TEX9: variants seen among roughly 807,000 people sequenced by gnomAD.
TEX9 encodes testis expressed 9.
Under a neutral mutation model 59.6 loss-of-function variants are expected in TEX9, and 74 were observed. That is an observed-to-expected ratio of 1.24 (90% CI 1.03 to 1.51). TEX9 has a LOEUF of 1.51. Among genes scored for constraint, TEX9 ranks in the 40% most tolerant of loss-of-function variants. The pLI is 0.00. For missense variants in TEX9, 522 were observed against 447.8 expected, an observed-to-expected ratio of 1.17 and a Z score of -1.49; for synonymous variants, 186 against 152.2, an observed-to-expected ratio of 1.22 and a Z score of -1.64.
At chr15:56,452,555 G>A in the TEX9 span, among the ~76,000 whole-genome samples, 1 of 141,896 alleles carries the variant, frequency 7.0e-6, no homozygotes, top group Non-Finnish European at 1.5e-5. Context: ...GTCTCTCTCT[G>A]TCGCCCAGGC....
intron 1 of TEX9, among the ~76,000 whole-genome samples, chr15:56,348,109 C>A (rs1210145300): frequency 6.6e-6 from 1 of 152,076 alleles, no homozygotes; most frequent in Non-Finnish European, 1.5e-5. Flanking sequence ...TATAATTTTA[C>A]AAGATACCAC....
chr15:56,391,274 GC>G lies in TEX9; in HGVS notation c.429del (p.Asp144ThrfsTer34). 6.3e-7 allele frequency: 1 copy of G among 1,580,716 alleles called. No homozygotes were observed. Among genetic ancestry groups the G allele is most frequent in the Non-Finnish European group, 8.6e-7 (1 of 1,167,800 alleles). On this transcript the variant is annotated frameshift_variant, in exon 7 of 13. Transcript: ENST00000352903. LOFTEE classifies it high-confidence loss of function. ...ATTGAAATACTCTGATGTCCAAACT[GC>G]CGACGATGTTGCCATTCCAGAGGAT...
chr15:56,417,548 A>C (rs2049755612), intron 10 of TEX9, among the ~76,000 whole-genome samples: 1 of 147,380 alleles, frequency 6.8e-6, no homozygotes, highest in Non-Finnish European at 1.5e-5. Context: ...GCTGTGGTCC[A>C]AGAGTGTGTT....
intron 1 of TEX9, among the ~76,000 whole-genome samples, chr15:56,247,780 C>T (rs2043896573): frequency 6.6e-6 from 1 of 152,136 alleles, no homozygotes. Context: ...TGGTGGTTTA[C>T]CAGATATGGA....
chr15:56,398,804 A>G lies in TEX9; in HGVS notation c.828+3970A>G, dbSNP rs796623729. On this transcript the variant is annotated intron_variant, in intron 9 of 12. Transcript: ENST00000352903. Reference sequence around the variant, plus strand: ...CCCTTTGTATGGGGATAATTTTTTGAGTGCCATATGCCAGACAAAATGCAT... The same window carrying G: ...CCCTTTGTATGGGGATAATTTTTTGGGTGCCATATGCCAGACAAAATGCAT... 1.4e-4 allele frequency among the ~76,000 whole-genome samples: 22 copies of G among 151,980 alleles called. 1 individual carries two copies. The highest frequency in any genetic ancestry group is 1.2e-3 in the South Asian group (6 of 4,820).
At chr15:56,339,403 A>AAAAAAC in intron 1 of TEX9, among the ~76,000 whole-genome samples, 2 of 145,192 alleles carry the variant, frequency 1.4e-5, no homozygotes, top group Middle Eastern at 3.4e-3. Flanking sequence ...AAAAAAAAAA[A>AAAAAAC]AAAAAAAAAA....
At chr15:56,277,925 A>T (rs1451886235) in intron 1 of TEX9, among the ~76,000 whole-genome samples, 1 of 152,138 alleles carries the variant, frequency 6.6e-6, no homozygotes, top group Non-Finnish European at 1.5e-5. Context: ...ACTGAGGAAG[A>T]AATTCTCCCT....
chr15:56,315,947 T>C (rs2045746776), intron 1 of TEX9, among the ~76,000 whole-genome samples: 1 of 151,704 alleles, frequency 6.6e-6, no homozygotes. Flanking sequence ...TCGCGTCGGC[T>C]CCTGAGGCTT....
intron 2 of TEX9, among the ~76,000 whole-genome samples, chr15:56,366,403 A>C (rs1390933423): frequency 6.6e-6 from 1 of 152,068 alleles, no homozygotes; most frequent in Admixed American, 6.5e-5. Flanking sequence ...TAGTTCCAAA[A>C]ACTCTTCCAG....
At chr15:56,338,944 C>T (rs1413861856) in intron 1 of TEX9, among the ~76,000 whole-genome samples, 2 of 151,922 alleles carry the variant, frequency 1.3e-5, no homozygotes, top group Non-Finnish European at 2.9e-5. Flanking sequence ...ATGTGGTAGG[C>T]CTGAATCTTT....
intron 1 of TEX9, among the ~76,000 whole-genome samples, chr15:56,276,721 T>A (rs2044677002): frequency 6.6e-6 from 1 of 152,180 alleles, no homozygotes; most frequent in Admixed American, 6.5e-5. Context: ...TCAAATGGTA[T>A]TTCTGGTTCT....
intron 7 of TEX9, among the ~76,000 whole-genome samples, chr15:56,391,665 T>C (rs1428151678): frequency 6.6e-6 from 1 of 152,122 alleles, no homozygotes; most frequent in East Asian, 1.9e-4. Flanking sequence ...CGCCTACTTT[T>C]ATGTTTCATA....
chr15:56,444,873 A>G (rs924465737), intron 12 of TEX9, among the ~76,000 whole-genome samples: 73 of 152,058 alleles, frequency 4.8e-4, no homozygotes, highest in Non-Finnish European at 6.6e-4. Context: ...CAGCTTTCCT[A>G]TCCCTTCAAG....
intron 1 of TEX9, among the ~76,000 whole-genome samples, chr15:56,246,129 G>C (rs942717527): frequency 8.7e-4 from 133 of 152,284 alleles, no homozygotes; most frequent in African/African-American, 3.1e-3. Flanking sequence ...GGCTTCCCAA[G>C]TGCAACTTCT....
At chr15:56,328,217 T>C (rs1181736426) in intron 1 of TEX9, among the ~76,000 whole-genome samples, 1 of 151,732 alleles carries the variant, frequency 6.6e-6, no homozygotes, top group Non-Finnish European at 1.5e-5. Context: ...CTGGATGACA[T>C]TTCTAGACAC....
upstream of TEX9, among the ~76,000 whole-genome samples, chr15:56,362,746 T>A (rs1028553732): frequency 5.9e-5 from 9 of 152,228 alleles, no homozygotes; most frequent in Admixed American, 1.3e-4. Context: ...AATCTACTTC[T>A]GTCACTATGG....
chr15:56,436,252 C>G (rs1290377254), intron 12 of TEX9, among the ~76,000 whole-genome samples: 1 of 152,160 alleles, frequency 6.6e-6, no homozygotes, highest in Non-Finnish European at 1.5e-5. Flanking sequence ...TTATAACAAA[C>G]TGTCTCTCAG....
intron 3 of TEX9, among the ~76,000 whole-genome samples, chr15:56,375,914 C>A (rs1489116500): frequency 6.6e-6 from 1 of 151,556 alleles, no homozygotes; most frequent in Non-Finnish European, 1.5e-5. Context: ...AGTTCATGTC[C>A]TTTGTAGGGA....
chr15:56,268,386 A>C (rs572735064), intron 1 of TEX9, among the ~76,000 whole-genome samples: 35 of 152,236 alleles, frequency 2.3e-4, no homozygotes, highest in African/African-American at 7.7e-4. Context: ...TAAGAGAGGG[A>C]ATCCCTATCT....
Sources: gnomAD v4.1 joint callset for allele counts (sites outside exome capture counted in the v4.1 genomes callset) on GRCh38, gnomAD v4.1.1 for gene constraint, MANE v1.5 for transcripts, NCBI Gene and HGNC (gene_info 2026-07-23, HGNC 2026-07-21) for gene names.